The following IL6ST variants were observed in gnomAD, a reference collection of about 807,000 sequenced individuals.
IL6ST encodes interleukin 6 cytokine family signal transducer.
Under a neutral mutation model 91.3 loss-of-function variants are expected in IL6ST, and 24 were observed. The ratio of observed to expected loss-of-function variants is 0.26; its 90% confidence interval spans 0.19 to 0.37. The LOEUF (loss-of-function observed/expected upper bound fraction) is 0.37, where lower values mean the gene tolerates loss of function less well. Ranked by LOEUF, IL6ST falls within the 10% of genes least tolerant of loss-of-function variation. The pLI, the probability that IL6ST is intolerant of heterozygous loss-of-function variation, is 1.00. For missense variants in IL6ST, 914 were observed against 1,078.5 expected (o/e 0.85, Z 2.14); for synonymous variants, 351 against 373.6 (o/e 0.94, Z 0.70).
intron 14 of IL6ST, 25 bp downstream of exon 14, chr5:55,951,439 A>C (rs1450287622): frequency 1.9e-6 from 3 of 1,590,964 alleles, no homozygotes; most frequent in East Asian, 2.2e-5. Context: ...AGAAAGAAAA[A>C]AAACCAAACT....
chr5:55,951,371 A>T (rs774886194), intron 14 of IL6ST, 93 bp downstream of exon 14: 105 of 935,290 alleles, frequency 1.1e-4, no homozygotes, highest in South Asian at 2.5e-4. Flanking sequence ...GAATCCAAAG[A>T]TGTACTTTTT....
chr5:55,952,075 G>C lies in IL6ST; in HGVS notation c.1553C>G (p.Pro518Arg). 1 of 1,609,462 alleles carries C rather than the reference G, an allele frequency of 6.2e-7. No homozygotes were observed. The highest frequency in any genetic ancestry group is 8.5e-7 in the Non-Finnish European group (1 of 1,178,790). Residue 518 changes from proline to arginine, a missense_variant and splice_region_variant, in exon 13 of 17, where the codon CCA becomes CGA. Transcript: ENST00000381298. Reference protein sequence around the residue: ...ESIKAYLKQAPPSKGPTVRTK... With the variant: ...ESIKAYLKQARPSKGPTVRTK... ...CCGAACAGTAGGTCCTTTGGAAGGT[G>C]CTGTAACAGAGTGAACACATTTGCT...
rs537992234 is a variant in IL6ST at position 55,940,075 on chromosome 5, TAA to T, written c.*1005_*1006del. 6.5e-4 allele frequency: 128 copies of T among 196,580 alleles called. No individual in the cohort carries two copies. The highest frequency in any genetic ancestry group is 7.4e-4 in the Non-Finnish European group (70 of 94,580). 12.2% of individuals were successfully genotyped at this position (196,580 alleles called of 1,614,324 possible). On this transcript the variant is annotated 3_prime_UTR_variant, in exon 17 of 17. Transcript: ENST00000381298. ...ATTTAAGCTGAAGATATATACTGTA[TAA>T]AGTGTTCATCTACCCAGTACTCTGA...
At chr5:55,976,654 T>C (rs963139563) in intron 2 of IL6ST, among the ~76,000 whole-genome samples, 1 of 152,016 alleles carries the variant, frequency 6.6e-6, no homozygotes, top group Admixed American at 6.6e-5. Context: ...ACCTGACAAA[T>C]GGAAAAAAAT....
At chr5:55,951,031 C>A (rs746541919) in intron 14 of IL6ST, among the ~76,000 whole-genome samples, 9 of 151,868 alleles carry the variant, frequency 5.9e-5, no homozygotes, top group Non-Finnish European at 1.0e-4. Flanking sequence ...TTCTGAGTGA[C>A]ACCAGAGAGG....
At chr5:55,978,983 A>C (rs752503307) in intron 2 of IL6ST, among the ~76,000 whole-genome samples, 2 of 152,254 alleles carry the variant, frequency 1.3e-5, no homozygotes, top group Non-Finnish European at 2.9e-5. Flanking sequence ...AATCAACCAA[A>C]TATCTATTAA....
At chr5:55,980,052 C>T (rs1214053582) in intron 2 of IL6ST, among the ~76,000 whole-genome samples, 1 of 152,060 alleles carries the variant, frequency 6.6e-6, no homozygotes. Context: ...GTGGGCAAAA[C>T]AATATACAAG....
intron 16 of IL6ST, among the ~76,000 whole-genome samples, chr5:55,942,197 C>T (rs927348504): frequency 3.9e-5 from 6 of 152,138 alleles, no homozygotes; most frequent in African/African-American, 7.2e-5. Context: ...TAAGGACTAC[C>T]GGAGGATAAT....
intron 13 of IL6ST, 105 bp from the exon 14 acceptor site, chr5:55,951,709 G>T: frequency 8.9e-7 from 1 of 1,118,164 alleles, no homozygotes; most frequent in Non-Finnish European, 1.3e-6. Context: ...AAGTATTTTT[G>T]TTGGAAAACA....
chr5:55,952,988 G>T (rs1408078237), intron 11 of IL6ST, among the ~76,000 whole-genome samples: 2 of 152,070 alleles, frequency 1.3e-5, no homozygotes, highest in Admixed American at 6.5e-5. Flanking sequence ...TTGAACCCAG[G>T]AGGCGGAGCT....
intron 15 of IL6ST, among the ~76,000 whole-genome samples, chr5:55,944,209 T>C (rs527577641): frequency 6.6e-6 from 1 of 152,304 alleles, no homozygotes; most frequent in African/African-American, 2.4e-5. Context: ...AGATGTACTA[T>C]ATGTACTAGA....
In IL6ST at chr5:55,941,635, G is replaced by A. The variant is rs371804310; in HGVS notation, c.2204C>T (p.Ser735Leu). The change falls in exon 17 of 17, where the codon TCA (serine) becomes TTA (leucine). Residue 735 changes from serine to leucine, a missense_variant. Coordinates refer to ENST00000381298, the MANE Select transcript of IL6ST (RefSeq NM_002184.4). ...SSGIGGSSCM[S>L]SSRPSISSSD... ...GCTAGAAATGCTTGGCCTAGAAGAT[G>A]ACATGCATGAAGACCCCCCAATACC... 6.2e-7 allele frequency: 1 copy of A among 1,614,132 alleles called. No individual in the cohort carries two copies. Among genetic ancestry groups the A allele is most frequent in the Non-Finnish European group, 8.5e-7 (1 of 1,179,986 alleles).
chr5:55,958,109 T>C (rs1368487519), intron 8 of IL6ST, among the ~76,000 whole-genome samples: 1 of 152,120 alleles, frequency 6.6e-6, no homozygotes, highest in Non-Finnish European at 1.5e-5. Context: ...CCATAAAACA[T>C]AGTGGTTTTT....
Position 55,941,449 on chromosome 5 carries a change from T to C in IL6ST, c.2390A>G (p.Gln797Arg). ...LDSEERPEDL[Q>R]LVDHVDGGDG... Reference sequence around the variant, plus strand: ...ACCGCCATCTACATGATCTACTAATTGTAGATCTTCTGGCCGCTCCTCTGA... The same window carrying C: ...ACCGCCATCTACATGATCTACTAATCGTAGATCTTCTGGCCGCTCCTCTGA... Residue 797 changes from glutamine (Q) to arginine (R), a missense_variant, in exon 17 of 17, where the codon CAA becomes CGA. Physicochemically the swap from Gln to Arg is conservative, Grantham distance 43 (BLOSUM62 1). Transcript: ENST00000381298. The C allele has an allele frequency of 6.2e-7, 1 of 1,614,176 alleles. No individual in the cohort carries two copies.
At chr5:55,947,461 G>GA (rs759949848) in intron 15 of IL6ST, 32 bp downstream of exon 15, 4 of 1,210,900 alleles carry the variant, frequency 3.3e-6, no homozygotes, top group Non-Finnish European at 3.6e-6. Flanking sequence ...AAAGCTGGGG[G>GA]AAAATGCAAA....
chr5:55,941,911 C>T, intron 16 of IL6ST, 92 bp from the exon 17 acceptor site: 1 of 1,052,264 alleles, frequency 9.5e-7, no homozygotes, highest in African/African-American at 1.6e-5. Context: ...CTCAGTGGTA[C>T]AGAAATAACC....
chr5:55,982,570 G>T (rs1169978092), intron 2 of IL6ST, among the ~76,000 whole-genome samples, 154 bp downstream of exon 2: 1 of 151,980 alleles, frequency 6.6e-6, no homozygotes, highest in Non-Finnish European at 1.5e-5. Flanking sequence ...ATTAACACTA[G>T]GATATTATTT....
In IL6ST at chr5:55,960,463, T is replaced by C. The variant is rs758323101; in HGVS notation, c.912A>G (p.Glu304=). 6.2e-7 allele frequency: 1 copy of C among 1,614,072 alleles called. No homozygotes were observed. The highest frequency in any genetic ancestry group is 1.1e-5 in the South Asian group (1 of 91,082). Residue 304 remains glutamate, a synonymous_variant, in exon 8 of 17, where the codon GAA becomes GAG. Transcript: ENST00000381298. ...EYVFRIRCMK[E]DGKGYWSDWS... The stretch of plus-strand genomic sequence containing the variant: ...AGTCACTCCAGTATCCCTTACCATC[T>C]TCCTTCATACAGCGAATCCTAAACA...
chr5:55,956,825 T>G (rs1752005140), intron 9 of IL6ST, among the ~76,000 whole-genome samples: 1 of 152,096 alleles, frequency 6.6e-6, no homozygotes, highest in Admixed American at 6.5e-5. Context: ...GAATAAAAAT[T>G]TATCTATTTA....
Sources: allele counts gnomAD v4.1 joint callset (sites outside exome capture counted in the v4.1 genomes callset), GRCh38; gene constraint gnomAD v4.1.1; transcripts MANE v1.5; gene names NCBI Gene and HGNC (gene_info 2026-07-23, HGNC 2026-07-21).